The following CFAP221 variants were observed in gnomAD, a reference collection of about 807,000 sequenced individuals.
CFAP221 encodes the protein cilia and flagella associated protein 221, also known as cilia- and flagella-associated protein 221.
Under a neutral mutation model 113.1 loss-of-function variants are expected in CFAP221, and 97 were observed. The observed-to-expected ratio is 0.86, with a 90% CI of 0.73 to 1.02. The LOEUF is 1.02. Ranked by LOEUF, CFAP221 falls within the 50% of genes least tolerant of loss-of-function variation. The probability of loss-of-function intolerance (pLI) is 0.00; values close to 1 mark genes in which losing one functional copy is unlikely to be tolerated. For synonymous variants in CFAP221, 331 were observed against 354.4 expected, an observed-to-expected ratio of 0.93 and a Z score of 0.74; for missense variants, 1,025 against 1,013.4, an observed-to-expected ratio of 1.01 and a Z score of -0.16.
chr2:119,581,211 A>T (rs1304214851), intron 6 of CFAP221, among the ~76,000 whole-genome samples: 1 of 152,244 alleles, frequency 6.6e-6, no homozygotes, highest in Non-Finnish European at 1.5e-5. Flanking sequence ...AAAACCCAAC[A>T]ATCAGAATAT....
chr2:119,590,212 CT>C (rs1489731828), intron 7 of CFAP221: 2 of 152,118 alleles, frequency 1.3e-5, no homozygotes, highest in Admixed American at 6.5e-5. Flanking sequence ...AGTTCATTCT[CT>C]TTTTTTAATT....
intron 6 of CFAP221, among the ~76,000 whole-genome samples, chr2:119,572,302 T>C (rs1406288643): frequency 6.6e-6 from 1 of 152,222 alleles, no homozygotes; most frequent in Non-Finnish European, 1.5e-5. Flanking sequence ...CAGAGGACTT[T>C]CAGTTCTCTT....
At chr2:119,580,041 A>AGAAATACCTCACACGCAT (rs1472218999) in intron 6 of CFAP221, 1 of 152,240 alleles carries the variant, frequency 6.6e-6, no homozygotes, top group Non-Finnish European at 1.5e-5. Flanking sequence ...TCTGAGGGTC[A>AGAAATACCTCACACGCAT]GAAATACCTC....
At chr2:119,552,353 A>G (rs1680494565) in intron 3 of CFAP221, among the ~76,000 whole-genome samples, 1 of 133,696 alleles carries the variant, frequency 7.5e-6, no homozygotes, top group African/African-American at 2.7e-5. Context: ...TTAATAAGAA[A>G]TAAATAGAAA....
At chr2:119,632,727 A>G (rs548766554) in intron 19 of CFAP221, among the ~76,000 whole-genome samples, 1 of 151,106 alleles carries the variant, frequency 6.6e-6, no homozygotes, top group South Asian at 2.1e-4. Flanking sequence ...AAGATTGTCT[A>G]TCTAGAAAAT....
intron 12 of CFAP221, among the ~76,000 whole-genome samples, chr2:119,610,958 C>T (rs1297976344): frequency 1.3e-5 from 2 of 152,042 alleles, no homozygotes; most frequent in African/African-American, 4.8e-5. Context: ...CTGTTGGCTC[C>T]TGGGAATAAG....
intron 7 of CFAP221, among the ~76,000 whole-genome samples, chr2:119,600,695 G>T (rs1222784901): frequency 6.6e-6 from 1 of 152,138 alleles, no homozygotes; most frequent in East Asian, 1.9e-4. Flanking sequence ...GCATGGATTT[G>T]AATTTCATGA....
intron 7 of CFAP221, among the ~76,000 whole-genome samples, chr2:119,594,689 A>G (rs1683839840): frequency 6.6e-6 from 1 of 152,244 alleles, no homozygotes; most frequent in Non-Finnish European, 1.5e-5. Flanking sequence ...TGCCACCAGC[A>G]AAAGAATAAT....
chr2:119,622,754 C>T (rs1325574827), intron 14 of CFAP221, among the ~76,000 whole-genome samples: 1 of 152,128 alleles, frequency 6.6e-6, no homozygotes, highest in Non-Finnish European at 1.5e-5. Context: ...ATAAACAGAA[C>T]CAATGACAAA....
chr2:119,593,009 G>A (rs979544213), intron 7 of CFAP221, among the ~76,000 whole-genome samples: 5 of 152,144 alleles, frequency 3.3e-5, no homozygotes, highest in African/African-American at 1.2e-4. Context: ...AAAATGACTT[G>A]TTATTTTGGG....
intron 6 of CFAP221, among the ~76,000 whole-genome samples, chr2:119,562,392 C>T (rs540837514): frequency 4.1e-4 from 63 of 152,208 alleles, no homozygotes; most frequent in African/African-American, 9.2e-4. Flanking sequence ...GATTTAAATC[C>T]GGTTGCAGGA....
intron 14 of CFAP221, among the ~76,000 whole-genome samples, chr2:119,617,102 T>G (rs750101501): frequency 6.6e-6 from 1 of 152,182 alleles, no homozygotes; most frequent in East Asian, 1.9e-4. Flanking sequence ...TCTCAAAGTG[T>G]TGTTGTGAGG....
At chr2:119,637,908 T>C (rs371048808) in intron 19 of CFAP221, among the ~76,000 whole-genome samples, 16 of 152,258 alleles carry the variant, frequency 1.1e-4, no homozygotes, top group African/African-American at 3.6e-4. Context: ...TAAACCAGTG[T>C]GCTCATTTAA....
At chr2:119,574,704 G>GCA (rs150152935) in intron 6 of CFAP221, among the ~76,000 whole-genome samples, 48 of 151,322 alleles carry the variant, frequency 3.2e-4, no homozygotes, top group Admixed American at 7.2e-4. Flanking sequence ...ACACATGCAT[G>GCA]CACACACACA....
intron 6 of CFAP221, among the ~76,000 whole-genome samples, chr2:119,570,892 T>C (rs187198072): frequency 6.6e-6 from 1 of 152,310 alleles, no homozygotes; most frequent in Admixed American, 6.5e-5. Context: ...TCTTGGTAAA[T>C]ACCTAGAAGT....
intron 6 of CFAP221, among the ~76,000 whole-genome samples, chr2:119,563,818 G>A (rs1681430566): frequency 6.6e-6 from 1 of 152,214 alleles, no homozygotes; most frequent in Non-Finnish European, 1.5e-5. Context: ...AACTCATACA[G>A]GAGGTGACAG....
chr2:119,565,979 C>T (rs1489214527), intron 6 of CFAP221, among the ~76,000 whole-genome samples: 1 of 152,210 alleles, frequency 6.6e-6, no homozygotes, highest in Non-Finnish European at 1.5e-5. Flanking sequence ...ATGTGCCAGG[C>T]ACAGTGTTAG....
intron 19 of CFAP221, among the ~76,000 whole-genome samples, chr2:119,633,811 A>G (rs1558982480): frequency 6.6e-6 from 1 of 152,254 alleles, no homozygotes; most frequent in East Asian, 1.9e-4. Flanking sequence ...TATCAAAAAA[A>G]TAAAACACAG....
intron 23 of CFAP221, among the ~76,000 whole-genome samples, chr2:119,655,422 T>C (rs1037611413): frequency 3.3e-5 from 5 of 152,234 alleles, no homozygotes; most frequent in African/African-American, 9.6e-5. Context: ...ATTTCTTTAA[T>C]TATGTGCATT....
Sources: gnomAD v4.1 joint callset for allele counts (sites outside exome capture counted in the v4.1 genomes callset) on GRCh38, gnomAD v4.1.1 for gene constraint, MANE v1.5 for transcripts, NCBI Gene and HGNC (gene_info 2026-07-23, HGNC 2026-07-21) for gene names.